The following YIPF4 variants were observed in gnomAD, a reference collection of about 807,000 sequenced individuals.
YIPF4 encodes the protein protein YIPF4.
A neutral mutation model predicts 29.4 loss-of-function variants in YIPF4; 18 were observed. The ratio of observed to expected loss-of-function variants is 0.61; its 90% CI spans 0.42 to 0.91. The LOEUF (loss-of-function observed/expected upper bound fraction) is 0.91. Ranked by LOEUF, YIPF4 falls within the 40% of genes least tolerant of loss-of-function variation. YIPF4 has a pLI of 0.00. For missense variants in YIPF4, 279 were observed against 282.7 expected, an observed-to-expected ratio of 0.99 and a Z score of 0.09; for synonymous variants, 115 against 104.7, an observed-to-expected ratio of 1.10 and a Z score of -0.60.
In YIPF4 at chr2:32,294,375, T is replaced by G. The variant is rs181560780; in HGVS notation, c.405+2027T>G. Among the ~76,000 whole-genome samples, 1,134 of 151,554 alleles carry G rather than the reference T, an allele frequency of 7.5e-3. 15 individuals are homozygous for G. Among genetic ancestry groups the G allele is most frequent in the African/African-American group, 0.026 (1,089 of 41,228 alleles). ...CAGGGCGGCTGGGCAGAGATGCTCC[T>G]CACCTCCCAGACGTGGTCGCGGCCG... On this transcript the variant is annotated intron_variant, in intron 3 of 5. Transcript: ENST00000238831.
At chr2:32,281,894 CA>C (rs58882814) in intron 1 of YIPF4, among the ~76,000 whole-genome samples, 976 of 53,432 alleles carry the variant, frequency 0.018, 5 homozygotes, top group African/African-American at 0.068. Flanking sequence ...GACTCTGTCT[CA>C]AAAAAAAAAA....
At chr2:32,294,624 G>GGGAT (rs1266429692) in intron 3 of YIPF4, among the ~76,000 whole-genome samples, 14 of 150,496 alleles carry the variant, frequency 9.3e-5, no homozygotes, top group Admixed American at 9.2e-4. Context: ...CCCAGACGAT[G>GGGAT]GGCGGCCAGG....
At position 32,316,521 on chromosome 2, in the gene YIPF4, A is replaced by G. The variant is rs1336094411; in HGVS notation, c.*10895A>G. 6.6e-6 allele frequency: 1 copy of G among 152,198 alleles called. No individual in the cohort carries two copies. The highest frequency in any genetic ancestry group is 1.9e-4 in the East Asian group (1 of 5,200). 9.4% of individuals were successfully genotyped at this position (152,198 alleles called of 1,614,324 possible). ...ACTGTCTCAATTGTTAAACTATTGA[A>G]ATGCATCTGTGTCAATGGTAAATAG... On this transcript the variant is annotated 3_prime_UTR_variant, in exon 6 of 6. Transcript: ENST00000238831.
chr2:32,298,344 A>T (rs764907015), intron 4 of YIPF4, 33 bp downstream of exon 4: 143 of 1,523,058 alleles, frequency 9.4e-5, no homozygotes, highest in Middle Eastern at 1.8e-4. Flanking sequence ...AATCTTCCTT[A>T]TTTATGGTGA....
At position 32,314,611 on chromosome 2, in the gene YIPF4, T is replaced by C. The variant is rs2031785349; in HGVS notation, c.*8985T>C. 1 of 151,576 alleles carries C rather than the reference T, an allele frequency of 6.6e-6. No homozygotes were observed. Among genetic ancestry groups the C allele is most frequent in the Non-Finnish European group, 1.5e-5 (1 of 67,938 alleles). 9.4% of individuals were successfully genotyped at this position (151,576 alleles called of 1,614,324 possible). A position where few individuals can be genotyped will look rare whatever the true frequency, so the allele number is the denominator to read the frequency against. On this transcript the variant is annotated 3_prime_UTR_variant, in exon 6 of 6. Transcript: ENST00000238831. ...TCGCTTGAACCTGGGAGGTGGAGAGTGTGGTGAGCTGAGATGTCACCATTG... is the reference window on the plus strand; with the variant it reads ...TCGCTTGAACCTGGGAGGTGGAGAGCGTGGTGAGCTGAGATGTCACCATTG...
At chr2:32,297,295 T>C (rs1036701103) in intron 3 of YIPF4, among the ~76,000 whole-genome samples, 7 of 152,040 alleles carry the variant, frequency 4.6e-5, no homozygotes, top group Non-Finnish European at 7.4e-5. Flanking sequence ...CGGCTAATTT[T>C]GTATTTTTTT....
intron 4 of YIPF4, among the ~76,000 whole-genome samples, chr2:32,298,661 C>T (rs988634025): frequency 5.3e-5 from 8 of 151,798 alleles, no homozygotes; most frequent in Non-Finnish European, 1.0e-4. Flanking sequence ...CCCAGGTTCC[C>T]GATTGTCCTG....
At chr2:32,282,837 G>A (rs1430860069) in intron 1 of YIPF4, among the ~76,000 whole-genome samples, 4 of 152,016 alleles carry the variant, frequency 2.6e-5, no homozygotes, top group Admixed American at 6.6e-5. Flanking sequence ...AGAACTTTGG[G>A]AGGCCGAGGT....
intron 1 of YIPF4, among the ~76,000 whole-genome samples, chr2:32,283,389 T>G (rs530348612): frequency 6.6e-6 from 1 of 152,326 alleles, no homozygotes; most frequent in East Asian, 1.9e-4. Context: ...CCTTCTAGAT[T>G]CTGTCCAAAT....
chr2:32,298,855 G>A (rs1456467180), intron 4 of YIPF4, among the ~76,000 whole-genome samples: 1 of 151,660 alleles, frequency 6.6e-6, no homozygotes, highest in Non-Finnish European at 1.5e-5. Flanking sequence ...ACTGCGCCCA[G>A]ACAAAATTTA....
intron 1 of YIPF4, 144 bp downstream of exon 1, chr2:32,278,378 G>A: frequency 1.3e-6 from 1 of 777,206 alleles, no homozygotes; most frequent in South Asian, 1.9e-5. Context: ...CGCCTGCCGG[G>A]CCTTCCGAGA....
intron 3 of YIPF4, 22 bp downstream of exon 3, chr2:32,292,370 C>A: frequency 6.9e-7 from 1 of 1,440,822 alleles, no homozygotes; most frequent in Non-Finnish European, 9.2e-7. Context: ...TTATTTTATA[C>A]AAATTCTAAA....
At chr2:32,293,655 C>T (rs1573534275) in intron 3 of YIPF4, among the ~76,000 whole-genome samples, 1 of 152,294 alleles carries the variant, frequency 6.6e-6, no homozygotes, top group Admixed American at 6.5e-5. Flanking sequence ...CCTCACTTCC[C>T]AGTAGGGGAG....
intron 4 of YIPF4, among the ~76,000 whole-genome samples, chr2:32,301,045 C>T (rs1225477736): frequency 5.1e-4 from 78 of 152,000 alleles, no homozygotes; most frequent in Non-Finnish European, 1.8e-4. Flanking sequence ...GGTTGTAGTC[C>T]CTTTAAATAA....
intron 1 of YIPF4, among the ~76,000 whole-genome samples, chr2:32,280,002 TCCTC>T (rs2030320345): frequency 6.6e-6 from 1 of 150,860 alleles, no homozygotes; most frequent in Admixed American, 6.6e-5. Context: ...GCTCCAGTGA[TCCTC>T]CCGCTTCAGT....
At chr2:32,297,578 G>T (rs10179880) in intron 3 of YIPF4, among the ~76,000 whole-genome samples, 1 of 151,978 alleles carries the variant, frequency 6.6e-6, no homozygotes, top group African/African-American at 2.4e-5. Context: ...GACCAGCCTG[G>T]GCAACATAGT....
chr2:32,300,667 TATA>T (rs1249942147), intron 4 of YIPF4, among the ~76,000 whole-genome samples: 15 of 152,088 alleles, frequency 9.9e-5, no homozygotes, highest in Non-Finnish European at 7.3e-5. Context: ...CAAAACCTAG[TATA>T]ATATTTATAT....
chr2:32,293,207 C>G (rs2148962505), intron 3 of YIPF4, among the ~76,000 whole-genome samples: 1 of 152,180 alleles, frequency 6.6e-6, no homozygotes, highest in Admixed American at 6.5e-5. Flanking sequence ...GAACAAAGGT[C>G]TCTGGTTTTC....
chr2:32,286,770 T>C (rs1182837740), intron 1 of YIPF4, among the ~76,000 whole-genome samples: 2 of 152,138 alleles, frequency 1.3e-5, no homozygotes, highest in African/African-American at 4.8e-5. Context: ...TGTCTCGATC[T>C]CTTGACCTCG....
Sources: allele counts gnomAD v4.1 joint callset (sites outside exome capture counted in the v4.1 genomes callset), GRCh38; gene constraint gnomAD v4.1.1; transcripts MANE v1.5; gene names NCBI Gene and HGNC (gene_info 2026-07-23, HGNC 2026-07-21).